Variants in LRRC4C observed in about 807,000 individuals in gnomAD.
LRRC4C encodes leucine rich repeat containing 4C.
A neutral mutation model predicts 33.6 loss-of-function variants in LRRC4C; 5 were observed. The ratio of observed to expected loss-of-function variants is 0.15; its 90% confidence interval spans 0.08 to 0.31. The LOEUF is 0.31. LRRC4C is among the 10% of genes least tolerant of loss of function. LRRC4C has a pLI of 1.00. For missense variants in LRRC4C, 560 were observed against 796.7 expected, an observed-to-expected ratio of 0.70 and a Z score of 3.58; for synonymous variants, 329 against 302.0, an observed-to-expected ratio of 1.09 and a Z score of -0.93.
intron 3 of LRRC4C, among the ~76,000 whole-genome samples, chr11:40,581,099 TCTC>T (rs1315438607): frequency 1.3e-5 from 2 of 152,206 alleles, no homozygotes; most frequent in East Asian, 1.9e-4. Flanking sequence ...CTTTTCCCAT[TCTC>T]CTCTCTGAAA....
intron 1 of LRRC4C, chr11:41,423,857 A>G (rs995088708): frequency 6.6e-6 from 1 of 152,006 alleles, no homozygotes; most frequent in Admixed American, 6.6e-5. Flanking sequence ...GGTCTCTGAT[A>G]TGGTTTGGCT....
In LRRC4C at chr11:40,289,188, C is replaced by T. The variant is rs369367991; in HGVS notation, c.-176+30440G>A. Among the ~76,000 whole-genome samples the T allele has an allele frequency of 3.3e-5, 5 of 152,156 alleles. No homozygotes were observed. The East Asian group carries it at 7.7e-4, about 24-fold the overall frequency. On this transcript the variant is annotated intron_variant, in intron 4 of 6. Coordinates refer to ENST00000528697, the MANE Select transcript of LRRC4C (RefSeq NM_001258419.2). ...TCCCTATTTTACATGTATTGGTGCT[C>T]GAACTGTTAAAGTGCTTAGCCAGAT...
At chr11:40,736,654 T>C (rs1947882286) in intron 2 of LRRC4C, among the ~76,000 whole-genome samples, 1 of 152,164 alleles carries the variant, frequency 6.6e-6, no homozygotes. Flanking sequence ...TTCCTACTTC[T>C]CCACATTGTT....
chr11:40,934,403 C>CGT (rs1487045740), intron 1 of LRRC4C, among the ~76,000 whole-genome samples: 2 of 152,056 alleles, frequency 1.3e-5, no homozygotes, highest in Admixed American at 6.6e-5. Flanking sequence ...TCTGCATGTG[C>CGT]GTGTGTGTGC....
intron 1 of LRRC4C, among the ~76,000 whole-genome samples, chr11:41,043,387 T>G (rs1857567658): frequency 6.6e-6 from 1 of 152,130 alleles, no homozygotes; most frequent in Non-Finnish European, 1.5e-5. Context: ...GGCTACAAAT[T>G]TAAAACTTAA....
intron 2 of LRRC4C, among the ~76,000 whole-genome samples, chr11:40,840,680 A>G (rs1952871418): frequency 6.6e-6 from 1 of 152,164 alleles, no homozygotes; most frequent in African/African-American, 2.4e-5. Context: ...AGGCAAATCA[A>G]ATTTGTATTC....
At chr11:41,153,586 A>C (rs1944095242) in intron 1 of LRRC4C, among the ~76,000 whole-genome samples, 1 of 152,210 alleles carries the variant, frequency 6.6e-6, no homozygotes, top group Admixed American at 6.6e-5. Context: ...ACTAGGAAGA[A>C]CTTTGTGTTT....
At chr11:40,695,945 C>T (rs1288302908) in intron 2 of LRRC4C, among the ~76,000 whole-genome samples, 1 of 151,656 alleles carries the variant, frequency 6.6e-6, no homozygotes, top group Non-Finnish European at 1.5e-5. Flanking sequence ...GGGAAGTAGA[C>T]ATCTCTAGGG....
chr11:41,110,600 G>A (rs1201683385), intron 1 of LRRC4C, among the ~76,000 whole-genome samples: 1 of 152,004 alleles, frequency 6.6e-6, no homozygotes, highest in Non-Finnish European at 1.5e-5. Flanking sequence ...TGAGTACCTT[G>A]TCTTCCACAT....
intron 3 of LRRC4C, among the ~76,000 whole-genome samples, chr11:40,630,329 C>CTT (rs1246801376): frequency 7.1e-4 from 89 of 125,404 alleles, no homozygotes; most frequent in African/African-American, 2.3e-3. Flanking sequence ...CTTTCTTCTT[C>CTT]CTCTTCTTCT....
At chr11:40,925,301 T>C (rs541498037) in intron 2 of LRRC4C, among the ~76,000 whole-genome samples, 65 of 152,336 alleles carry the variant, frequency 4.3e-4, no homozygotes, top group Admixed American at 6.5e-4. Flanking sequence ...TGACAAGTGA[T>C]GTATGAGCAG....
intron 4 of LRRC4C, among the ~76,000 whole-genome samples, chr11:40,316,772 A>G (rs1945593659): frequency 6.6e-6 from 1 of 151,942 alleles, no homozygotes; most frequent in African/African-American, 2.4e-5. Context: ...TTAAACTTAG[A>G]ATGCTTTCAC....
At chr11:41,110,691 G>A (rs145253508) in intron 1 of LRRC4C, among the ~76,000 whole-genome samples, 4 of 152,108 alleles carry the variant, frequency 2.6e-5, no homozygotes, top group African/African-American at 7.2e-5. Flanking sequence ...TTTTCATAGG[G>A]TTGAAGGTCA....
At chr11:41,275,673 A>G (rs184764413) in intron 1 of LRRC4C, among the ~76,000 whole-genome samples, 41 of 152,314 alleles carry the variant, frequency 2.7e-4, no homozygotes, top group African/African-American at 9.9e-4. Context: ...GTATTGTGTG[A>G]GCATAATAGA....
chr11:41,343,898 T>C (rs894031150), intron 1 of LRRC4C, among the ~76,000 whole-genome samples: 13 of 152,200 alleles, frequency 8.5e-5, no homozygotes, highest in African/African-American at 3.1e-4. Flanking sequence ...AATTAGCATA[T>C]CATATTTACT....
chr11:41,116,649 T>C (rs554802561), intron 1 of LRRC4C, among the ~76,000 whole-genome samples: 103 of 152,184 alleles, frequency 6.8e-4, no homozygotes, highest in African/African-American at 2.4e-3. Context: ...ACTGAGATGT[T>C]AGACAAAGTG....
intron 3 of LRRC4C, among the ~76,000 whole-genome samples, chr11:40,467,023 A>C (rs1397664326): frequency 6.6e-6 from 1 of 152,258 alleles, no homozygotes; most frequent in African/African-American, 2.4e-5. Flanking sequence ...CAATTTTCTT[A>C]AAAGGAAAAG....
At chr11:40,662,962 G>A (rs905719181) in intron 2 of LRRC4C, among the ~76,000 whole-genome samples, 4 of 152,196 alleles carry the variant, frequency 2.6e-5, no homozygotes, top group South Asian at 2.1e-4. Context: ...ATAATAATGT[G>A]CTAGTTCTGA....
At chr11:41,414,758 T>C (rs990200989) in intron 1 of LRRC4C, among the ~76,000 whole-genome samples, 3 of 152,066 alleles carry the variant, frequency 2.0e-5, no homozygotes, top group Middle Eastern at 3.2e-3. Flanking sequence ...AAAGTAGAAT[T>C]AGCCAAAATA....
Sources: allele counts gnomAD v4.1 joint callset (sites outside exome capture counted in the v4.1 genomes callset), GRCh38; gene constraint gnomAD v4.1.1; transcripts MANE v1.5; gene names NCBI Gene and HGNC (gene_info 2026-07-23, HGNC 2026-07-21).